SPON1: variants seen among roughly 807,000 people sequenced by gnomAD.
SPON1 encodes spondin-1.
SPON1 carries 52 observed loss-of-function variants against 111.7 expected under a neutral mutation model. The observed-to-expected ratio is 0.47, with a 90% CI of 0.37 to 0.59. The LOEUF is 0.59. Among genes scored for constraint, SPON1 ranks in the 20% least tolerant of loss-of-function variants. The pLI, the probability that SPON1 is intolerant of heterozygous loss-of-function variation, is 0.00. For missense variants in SPON1, 957 were observed against 1,068.5 expected (o/e 0.90, Z 1.46); for synonymous variants, 410 against 395.8 (o/e 1.04, Z -0.43).
intron 5 of SPON1, among the ~76,000 whole-genome samples, chr11:14,087,177 C>T (rs1849013595): frequency 6.6e-6 from 1 of 151,916 alleles, no homozygotes; most frequent in Admixed American, 6.6e-5. Context: ...TATTTCTTGT[C>T]TTCTGCTAGC....
At chr11:14,098,159 CT>C (rs1554924070) in intron 5 of SPON1, among the ~76,000 whole-genome samples, 3 of 152,170 alleles carry the variant, frequency 2.0e-5, no homozygotes, top group Non-Finnish European at 4.4e-5. Flanking sequence ...CCACGCCCAG[CT>C]AATTTTTTGT....
At chr11:14,057,822 T>A (rs1425263299) in intron 3 of SPON1, among the ~76,000 whole-genome samples, 4 of 60,118 alleles carry the variant, frequency 6.7e-5, no homozygotes, top group Non-Finnish European at 1.9e-4. Flanking sequence ...TAGTGAGACC[T>A]TGTCTCTACA....
intron 5 of SPON1, among the ~76,000 whole-genome samples, chr11:14,113,473 T>C (rs1849240951): frequency 1.3e-5 from 2 of 152,044 alleles, no homozygotes; most frequent in African/African-American, 4.8e-5. Flanking sequence ...CCTTCGCTTC[T>C]TAGCCCTAGA....
chr11:14,225,737 A>G (rs1195730948), intron 6 of SPON1, among the ~76,000 whole-genome samples: 1 of 152,244 alleles, frequency 6.6e-6, no homozygotes, highest in Non-Finnish European at 1.5e-5. Context: ...ATATCTTATC[A>G]GAGAGAAGTC....
At chr11:14,256,584 A>C (rs1849111011) in intron 9 of SPON1, 33 bp from the exon 10 acceptor site, 2 of 1,484,118 alleles carry the variant, frequency 1.3e-6, no homozygotes, top group African/African-American at 2.8e-5. Flanking sequence ...TCTTTCTCTC[A>C]TGTGAGCCCT....
At chr11:14,246,493 A>T (rs1280822637) in intron 7 of SPON1, among the ~76,000 whole-genome samples, 1 of 152,188 alleles carries the variant, frequency 6.6e-6, no homozygotes, top group African/African-American at 2.4e-5. Flanking sequence ...GTAACAATTC[A>T]TTCATTTTCC....
chr11:14,204,775 C>T (rs1848500028), intron 6 of SPON1, among the ~76,000 whole-genome samples: 1 of 152,052 alleles, frequency 6.6e-6, no homozygotes, highest in African/African-American at 2.4e-5. Flanking sequence ...AGCTCCGCCT[C>T]CCGGGTTCAC....
chr11:14,113,568 ATTTTTTTTTTTTTTTTTTTTT>A lies in SPON1; in HGVS notation c.677-21820_677-21800del, dbSNP rs782780924. Reference sequence around the variant, plus strand: ...AAGTCACCTCCTATGTACTTTTTAAATTTTTTTTTTTTTTTTTTTTTTTTTTTTTTTTTTTTTTTTTTTTTT... The same window carrying A: ...AAGTCACCTCCTATGTACTTTTTAAATTTTTTTTTTTTTTTTTTTTTTTTT... On this transcript the variant is annotated intron_variant, in intron 5 of 15. Transcript: ENST00000576479. 2.4e-3 allele frequency among the ~76,000 whole-genome samples: 183 copies of A among 74,728 alleles called. 23 individuals carry two copies. The highest frequency in any genetic ancestry group is 7.1e-3 in the African/African-American group (133 of 18,784). 49.0% of individuals were successfully genotyped at this position (74,728 alleles called of 152,430 possible).
chr11:14,184,926 A>G (rs1261812102), intron 6 of SPON1, among the ~76,000 whole-genome samples: 1 of 152,212 alleles, frequency 6.6e-6, no homozygotes, highest in Non-Finnish European at 1.5e-5. Flanking sequence ...GATTCCGTGG[A>G]ACCCATGGAA....
At chr11:14,207,068 C>T (rs906508253) in intron 6 of SPON1, among the ~76,000 whole-genome samples, 14 of 152,122 alleles carry the variant, frequency 9.2e-5, no homozygotes, top group African/African-American at 1.4e-4. Flanking sequence ...ATAGAGAATT[C>T]AGAAATAAGA....
At chr11:14,064,919 A>G (rs984576079) in intron 3 of SPON1, among the ~76,000 whole-genome samples, 3 of 152,168 alleles carry the variant, frequency 2.0e-5, no homozygotes, top group Admixed American at 6.5e-5. Context: ...CAAGGCTTCT[A>G]CTTTAGACAG....
intron 6 of SPON1, among the ~76,000 whole-genome samples, chr11:14,210,225 G>A (rs1217705915): frequency 3.3e-5 from 5 of 152,184 alleles, no homozygotes; most frequent in African/African-American, 1.2e-4. Flanking sequence ...TGTTCACTCT[G>A]ATGGTAGTTT....
chr11:14,169,440 C>T (rs1337506723), intron 6 of SPON1, among the ~76,000 whole-genome samples: 1 of 151,786 alleles, frequency 6.6e-6, no homozygotes, highest in Non-Finnish European at 1.5e-5. Flanking sequence ...TTCTCCCATT[C>T]TGTAGGTTGC....
chr11:13,972,290 C>T (rs960800029), intron 1 of SPON1, among the ~76,000 whole-genome samples: 4 of 152,170 alleles, frequency 2.6e-5, no homozygotes, highest in Admixed American at 1.3e-4. Flanking sequence ...AGCTTGCAGC[C>T]AACTCAAATT....
At chr11:14,211,544 G>A (rs1848577377) in intron 6 of SPON1, among the ~76,000 whole-genome samples, 1 of 152,132 alleles carries the variant, frequency 6.6e-6, no homozygotes, top group Non-Finnish European at 1.5e-5. Context: ...TCATGAAAAT[G>A]GCCATACTGC....
Position 14,259,594 on chromosome 11 carries a change from G to C in SPON1, c.1724G>C (p.Gly575Ala). Residue 575 changes from glycine to alanine, a missense_variant, in exon 13 of 16, where the codon GGC (glycine) becomes GCC (alanine). By Grantham distance (60) the Gly-to-Ala change is moderately conservative (BLOSUM62 0). Coordinates refer to ENST00000576479, the MANE Select transcript of SPON1 (RefSeq NM_006108.4). The surrounding 1 kb of genome is among the most constrained non-coding windows in gnomAD (Gnocchi z 5.0). The part of the protein sequence containing the change: ...GEWDECSATC[G>A]MGMKKRHRMI... ...TGGGACGAGTGCAGCGCCACCTGCGGCATGGGCATGAAGAAGCGGCACCGC... is the reference window on the plus strand; with the variant it reads ...TGGGACGAGTGCAGCGCCACCTGCGCCATGGGCATGAAGAAGCGGCACCGC... 3.9e-6 allele frequency: 6 copies of C among 1,555,766 alleles called. No individual in the cohort carries two copies. The highest frequency in any genetic ancestry group is 5.2e-6 in the Non-Finnish European group (6 of 1,149,658).
intron 2 of SPON1, among the ~76,000 whole-genome samples, chr11:13,997,815 G>T (rs1162673483): frequency 2.0e-5 from 3 of 152,078 alleles, no homozygotes; most frequent in African/African-American, 7.3e-5. Flanking sequence ...GTGGTTGGCT[G>T]GGCTCTCAAT....
At chr11:14,247,575 ATGG>A (rs1375106620) in intron 7 of SPON1, among the ~76,000 whole-genome samples, 1 of 152,134 alleles carries the variant, frequency 6.6e-6, no homozygotes, top group East Asian at 1.9e-4. Context: ...CTTCACTAGG[ATGG>A]TGGTGGTGGT....
intron 3 of SPON1, among the ~76,000 whole-genome samples, chr11:14,073,585 A>G (rs1848894201): frequency 6.6e-6 from 1 of 151,800 alleles, no homozygotes; most frequent in Non-Finnish European, 1.5e-5. Context: ...GCTCTTTCAA[A>G]CCTCAGCTCT....
Sources: gnomAD v4.1 joint callset for allele counts (sites outside exome capture counted in the v4.1 genomes callset) on GRCh38, gnomAD v4.1.1 for gene constraint, Gnocchi (gnomAD v3.1) non-coding constraint, MANE v1.5 for transcripts, NCBI Gene and HGNC (gene_info 2026-07-23, HGNC 2026-07-21) for gene names.